MROH2B: variants seen among roughly 807,000 people sequenced by gnomAD.
MROH2B encodes the protein maestro heat like repeat family member 2B, also known as maestro heat-like repeat-containing protein family member 2B.
Under a neutral mutation model 208.6 loss-of-function variants are expected in MROH2B, and 177 were observed. The ratio of observed to expected loss-of-function variants is 0.85; its 90% CI spans 0.75 to 0.96. The LOEUF (loss-of-function observed/expected upper bound fraction) is 0.96. MROH2B is among the 40% of genes least tolerant of loss of function. The probability of loss-of-function intolerance (pLI) is 0.00; values close to 1 mark genes in which losing one functional copy is unlikely to be tolerated. For synonymous variants in MROH2B, 728 were observed against 659.0 expected, an observed-to-expected ratio of 1.10 and a Z score of -1.60; for missense variants, 2,002 against 1,878.7, an observed-to-expected ratio of 1.07 and a Z score of -1.21.
chr5:41,031,290 T>C (rs1217229879), intron 24 of MROH2B, among the ~76,000 whole-genome samples: 1 of 151,994 alleles, frequency 6.6e-6, no homozygotes, highest in Non-Finnish European at 1.5e-5. Flanking sequence ...GCCAAACACT[T>C]ATAAAACTAT....
chr5:41,008,879 C>A lies in MROH2B; in HGVS notation c.3421-86G>T. On this transcript the variant is annotated intron_variant, in intron 32 of 41. Transcript: ENST00000399564. Reference sequence around the variant, plus strand: ...CTGGGCTGATTTTCAACTTTGTTTTCTCCACCAGTAAAAACACACAGAAAA... The same window carrying A: ...CTGGGCTGATTTTCAACTTTGTTTTATCCACCAGTAAAAACACACAGAAAA... 16 of 1,329,918 alleles carry A rather than the reference C, an allele frequency of 1.2e-5. No homozygotes were observed. The South Asian group carries it at 2.3e-4, about 20-fold the overall frequency. The allele number at this position is 1,329,918 out of a possible 1,614,324, so 82.4% of individuals were successfully genotyped here.
At chr5:41,011,723 A>G (rs1741780511) in intron 30 of MROH2B, among the ~76,000 whole-genome samples, 1 of 149,986 alleles carries the variant, frequency 6.7e-6, no homozygotes, top group Admixed American at 6.7e-5. Context: ...GCTGGAGTGC[A>G]GTTGCACAAT....
chr5:40,999,196 C>T (rs867631516), intron 40 of MROH2B, among the ~76,000 whole-genome samples: 2 of 152,158 alleles, frequency 1.3e-5, no homozygotes, highest in Non-Finnish European at 2.9e-5. Flanking sequence ...AGAGAGGTAA[C>T]ATAAAGTTAA....
chr5:40,999,926 T>A, intron 39 of MROH2B, 147 bp from the exon 40 acceptor site: 1 of 715,418 alleles, frequency 1.4e-6, no homozygotes, highest in Non-Finnish European at 2.3e-6. Flanking sequence ...GTCTTATGGG[T>A]ATTTTGATCT....
In MROH2B at chr5:41,032,935, C is replaced by T. The variant is rs1281704241; in HGVS notation, c.2361+106G>A. On this transcript the variant is annotated intron_variant, in intron 23 of 41. Transcript: ENST00000399564. ...CCTGGGTCATAAACAAGGCAGAGAT[C>T]TGTTATGTGGGACTGGTGAAGTCTA... is the stretch of plus-strand genomic sequence containing the variant. The T allele has an allele frequency of 4.5e-6, 7 of 1,558,066 alleles. No homozygotes were observed. The Admixed American group carries it at 1.3e-4, about 30-fold the overall frequency.
intron 20 of MROH2B, 41 bp from the exon 21 acceptor site, chr5:41,038,929 G>T: frequency 6.4e-7 from 1 of 1,556,818 alleles, no homozygotes; most frequent in South Asian, 1.2e-5. Flanking sequence ...TGTGACTGAA[G>T]GAGTTCTATT....
At chr5:41,021,806 G>A (rs1742158258) in intron 24 of MROH2B, among the ~76,000 whole-genome samples, 2 of 152,084 alleles carry the variant, frequency 1.3e-5, no homozygotes, top group Admixed American at 6.5e-5. Flanking sequence ...GAGCCCAGGA[G>A]GTCAAGGTGC....
At chr5:40,998,220 A>C in intron 41 of MROH2B, 62 bp from the exon 42 acceptor site, 1 of 1,424,542 alleles carries the variant, frequency 7.0e-7, no homozygotes, top group East Asian at 2.3e-5. Context: ...AAGAAGGGCA[A>C]ACCAAGCCAA....
intron 21 of MROH2B, among the ~76,000 whole-genome samples, chr5:41,034,694 G>A (rs1290360648): frequency 6.6e-6 from 1 of 151,928 alleles, no homozygotes; most frequent in Non-Finnish European, 1.5e-5. Flanking sequence ...TTAATACAGA[G>A]GAAACCCTAA....
rs1741350703 is a variant in MROH2B, at chr5:41,000,347, C to A, written c.4355G>T (p.Cys1452Phe). ...WDPNPKIGVA[C>F]RDVLMVCIPF... The stretch of plus-strand genomic sequence containing the variant: ...AATGCAGACCATCAAGACATCACGG[C>A]AAGCCTGGAAAACAGAGTTTTCTGC... Residue 1452 changes from cysteine to phenylalanine, a missense_variant, in exon 39 of 42, where the codon TGC becomes TTC. By Grantham distance (205) the Cys-to-Phe change is radical. Coordinates refer to ENST00000399564, the MANE Select transcript of MROH2B (RefSeq NM_173489.5). The A allele has an allele frequency of 6.2e-7, 1 of 1,613,258 alleles. No homozygotes were observed. Among genetic ancestry groups the A allele is most frequent in the Non-Finnish European group, 8.5e-7 (1 of 1,179,634 alleles).
rs779825553 is a variant in MROH2B, at chr5:40,998,024, A to T, written c.*28T>A. The T allele has an allele frequency of 6.6e-6, 10 of 1,521,386 alleles. No homozygotes were observed. Among genetic ancestry groups the T allele is most frequent in the Non-Finnish European group, 8.2e-6 (9 of 1,101,330 alleles). 94.2% of individuals were successfully genotyped at this position (1,521,386 alleles called of 1,614,324 possible). On this transcript the variant is annotated 3_prime_UTR_variant, in exon 42 of 42. Transcript: ENST00000399564. ...GATGAAGACAGGAGTCAGATATAGG[A>T]AAAGCCAGCAGTTTATTTCTTGATG...
chr5:41,067,027 G>T, intron 3 of MROH2B, 81 bp downstream of exon 3: 1 of 765,700 alleles, frequency 1.3e-6, no homozygotes, highest in Non-Finnish European at 2.3e-6. Flanking sequence ...CCTGGCAACA[G>T]TGTAGAAGAG....
At chr5:41,007,257 T>G in intron 34 of MROH2B, 57 bp downstream of exon 34, 1 of 1,368,696 alleles carries the variant, frequency 7.3e-7, no homozygotes, top group Non-Finnish European at 9.5e-7. Flanking sequence ...CACTTTTGTT[T>G]GTTTGTTTGT....
chr5:41,051,738 A>G (rs1743291691), intron 12 of MROH2B, among the ~76,000 whole-genome samples: 1 of 152,232 alleles, frequency 6.6e-6, no homozygotes, highest in Admixed American at 6.5e-5. Flanking sequence ...GCAGGCACTC[A>G]TTAGACAATC....
At chr5:41,026,187 G>A (rs910856549) in intron 24 of MROH2B, among the ~76,000 whole-genome samples, 8 of 152,154 alleles carry the variant, frequency 5.3e-5, no homozygotes, top group African/African-American at 1.7e-4. Context: ...TCTGGTCAGC[G>A]CAATCAGGCA....
Position 41,055,863 on chromosome 5 carries a change from T to A in MROH2B, c.920-8A>T. The A allele has an allele frequency of 1.3e-6, 2 of 1,589,166 alleles. No individual in the cohort carries two copies. Among genetic ancestry groups the A allele is most frequent in the Non-Finnish European group, 1.7e-6 (2 of 1,157,632 alleles). ...CTCCAGGATTGGAATGGGCTGCAGG[T>A]TCAAGAAACACTAGAGCTGTAACTC... is the stretch of plus-strand genomic sequence containing the variant. On this transcript the variant is annotated splice_region_variant and splice_polypyrimidine_tract_variant and intron_variant, in intron 9 of 41. Transcript: ENST00000399564.
At position 41,008,446 on chromosome 5, in the gene MROH2B, A is replaced by G. The variant is rs56918482; in HGVS notation, c.3608+160T>C. Among the ~76,000 whole-genome samples, 553 of 152,272 alleles carry G rather than the reference A, an allele frequency of 3.6e-3. 5 individuals are homozygous for G. Among genetic ancestry groups the G allele is most frequent in the African/African-American group, 0.013 (534 of 41,554 alleles). ...ACTGGATACTGGCTCAAGAAGAACTATGGTGTCACGGCTTAGGGAGAGTAG... is the reference window on the plus strand; with the variant it reads ...ACTGGATACTGGCTCAAGAAGAACTGTGGTGTCACGGCTTAGGGAGAGTAG... On this transcript the variant is annotated intron_variant, in intron 33 of 41. Coordinates refer to ENST00000399564, the MANE Select transcript of MROH2B (RefSeq NM_173489.5).
In MROH2B at chr5:41,070,952, G is replaced by T. The variant is rs1032275727; in HGVS notation, c.-100C>A. On this transcript the variant is annotated 5_prime_UTR_variant, in exon 1 of 42. Coordinates refer to ENST00000399564, the MANE Select transcript of MROH2B (RefSeq NM_173489.5). ...CAGGTTGGCAAGTTTCTCATATAAG[G>T]TTCACATAAGCCTCTCTAAATGAAA... is the stretch of plus-strand genomic sequence containing the variant. 10 of 1,179,904 alleles carry T rather than the reference G, an allele frequency of 8.5e-6. No homozygotes were observed. The African/African-American group carries it at 1.1e-4, about 13-fold the overall frequency. 73.1% of individuals were successfully genotyped at this position (1,179,904 alleles called of 1,614,324 possible).
At chr5:41,049,812 A>G (rs1366317613) in intron 13 of MROH2B, among the ~76,000 whole-genome samples, 1 of 152,166 alleles carries the variant, frequency 6.6e-6, no homozygotes, top group Non-Finnish European at 1.5e-5. Context: ...CCAAAACTCC[A>G]GGATTGGAGT....
Sources: allele counts gnomAD v4.1 joint callset (sites outside exome capture counted in the v4.1 genomes callset), GRCh38; gene constraint gnomAD v4.1.1; transcripts MANE v1.5; gene names NCBI Gene and HGNC (gene_info 2026-07-23, HGNC 2026-07-21).